HMCN1: variants seen among roughly 807,000 people sequenced by gnomAD.
The protein encoded by HMCN1 is hemicentin-1.
In HMCN1, 321 loss-of-function variants were observed where a neutral mutation model predicts 625.9. That is an observed-to-expected ratio of 0.51 (90% CI 0.47 to 0.56). HMCN1 has a LOEUF of 0.56. Ranked by LOEUF, HMCN1 falls within the 20% of genes least tolerant of loss-of-function variation. HMCN1 has a pLI of 0.00. For synonymous variants in HMCN1, 2,425 were observed against 2,417.6 expected (o/e 1.00, Z -0.09); for missense variants, 6,588 against 6,887.3 (o/e 0.96, Z 1.54).
chr1:186,061,947 T>C lies in HMCN1; in HGVS notation c.7409T>C (p.Phe2470Ser), dbSNP rs1657733321. 1 of 1,608,562 alleles carries C rather than the reference T, an allele frequency of 6.2e-7. No individual in the cohort carries two copies. The highest frequency in any genetic ancestry group is 8.5e-7 in the Non-Finnish European group (1 of 1,175,242). ...GCAGCTGGTGAAGAAAGAAAAATCT[T>C]TGGGCTTTCAGTATTAGGTACTTAT... ...RNAAGEERKI[F>S]GLSVLVPPHI... Residue 2470 changes from phenylalanine (F) to serine (S), a missense_variant, in exon 47 of 107, where the codon TTT (phenylalanine) becomes TCT (serine). By Grantham distance (155) the Phe-to-Ser change is radical. Around this residue, in one of 3 missense-constraint regions of HMCN1, gnomAD observed 4,628 missense variants for 4,853.1 expected, o/e 0.95. Coordinates refer to ENST00000271588, the MANE Select transcript of HMCN1 (RefSeq NM_031935.3).
rs556981840 is a variant in HMCN1 at position 186,134,773 on chromosome 1, A to G, written c.13313-1895A>G. ...CAGCCACAACCTTGAATTATCTATT[A>G]CCTCTCACTGAACAAATCATTCTGC... On this transcript the variant is annotated intron_variant, in intron 86 of 106. Transcript: ENST00000271588. Among the ~76,000 whole-genome samples the G allele has an allele frequency of 2.6e-3, 391 of 152,290 alleles. 1 individual carries two copies. The highest frequency in any genetic ancestry group is 9.0e-3 in the African/African-American group (376 of 41,582).
chr1:185,763,422 A>G (rs1023528309), intron 1 of HMCN1, among the ~76,000 whole-genome samples: 1 of 152,230 alleles, frequency 6.6e-6, no homozygotes, highest in Non-Finnish European at 1.5e-5. Context: ...AGCTGAAGTT[A>G]GAGACAAAAA....
rs1345795910 is a variant in HMCN1 at position 185,970,422 on chromosome 1, C to G, written c.2300C>G (p.Ala767Gly). 2 of 1,613,464 alleles carry G rather than the reference C, an allele frequency of 1.2e-6. No homozygotes were observed. Among genetic ancestry groups the G allele is most frequent in the Non-Finnish European group, 8.5e-7 (1 of 1,179,502 alleles). The change falls in exon 15 of 107, where the codon GCT (alanine) becomes GGT (glycine). Residue 767 changes from alanine (A) to glycine (G), a missense_variant. Coordinates refer to ENST00000271588, the MANE Select transcript of HMCN1 (RefSeq NM_031935.3). Reference protein sequence around the residue: ...LKIQETQDLDAGDYTCVAINE... With the variant: ...LKIQETQDLDGGDYTCVAINE... ...ATTCAAGAAACACAAGATCTGGATGCTGGCGATTATACCTGTGTAGCCATC... is the reference window on the plus strand; with the variant it reads ...ATTCAAGAAACACAAGATCTGGATGGTGGCGATTATACCTGTGTAGCCATC...
intron 42 of HMCN1, among the ~76,000 whole-genome samples, 168 bp downstream of exon 42, chr1:186,049,007 T>C (rs1217787354): frequency 6.6e-6 from 1 of 152,088 alleles, no homozygotes; most frequent in Non-Finnish European, 1.5e-5. Context: ...TATAACTACT[T>C]CGAGAGTAAC....
chr1:185,892,016 A>T (rs949391453), intron 4 of HMCN1, among the ~76,000 whole-genome samples: 37 of 151,404 alleles, frequency 2.4e-4, no homozygotes, highest in African/African-American at 8.8e-4. Context: ...GTTTCTTTTT[A>T]TTCTTTTTTC....
Position 185,734,762 on chromosome 1 carries a change from A to AG in HMCN1, c.-13dup, listed in dbSNP as rs752517345. The AG allele has an allele frequency of 2.2e-5, 35 of 1,613,684 alleles. No individual in the cohort carries two copies. The highest frequency in any genetic ancestry group is 5.3e-5 in the African/African-American group (4 of 74,898). The stretch of plus-strand genomic sequence containing the variant: ...TGCTTAGGCGCTGAGGGGGAAAAAG[A>AG]GGGGGAAAAAAAAGAAAATGATTTC... On this transcript the variant is annotated 5_prime_UTR_variant, in exon 1 of 107. Transcript: ENST00000271588.
intron 35 of HMCN1, among the ~76,000 whole-genome samples, chr1:186,021,897 T>C (rs1272979660): frequency 6.6e-6 from 1 of 152,068 alleles, no homozygotes; most frequent in Admixed American, 6.6e-5. Flanking sequence ...TAAGAAGCTA[T>C]TATAATCCCA....
At chr1:186,187,816 G>A in intron 105 of HMCN1, 67 bp from the exon 106 acceptor site, 1 of 1,602,910 alleles carries the variant, frequency 6.2e-7, no homozygotes, top group Admixed American at 1.7e-5. Context: ...CACATCTACA[G>A]TGCCTGCTCT....
At chr1:186,102,139 A>C (rs1042495752) in intron 68 of HMCN1, among the ~76,000 whole-genome samples, 1 of 152,160 alleles carries the variant, frequency 6.6e-6, no homozygotes, top group Non-Finnish European at 1.5e-5. Context: ...GTTTTTATTT[A>C]ATCCAGTAAG....
chr1:186,151,146 T>A, intron 93 of HMCN1, 54 bp from the exon 94 acceptor site: 1 of 1,581,868 alleles, frequency 6.3e-7, no homozygotes, highest in South Asian at 1.1e-5. Context: ...TTCTCCCATG[T>A]AATGTTGATG....
chr1:186,135,529 C>T (rs999844112), intron 86 of HMCN1, among the ~76,000 whole-genome samples: 5 of 152,126 alleles, frequency 3.3e-5, no homozygotes, highest in Admixed American at 1.3e-4. Context: ...ATGTAGACAT[C>T]GCTATATGAA....
intron 2 of HMCN1, among the ~76,000 whole-genome samples, chr1:185,846,961 G>C (rs189887249): frequency 6.6e-6 from 1 of 152,020 alleles, no homozygotes; most frequent in East Asian, 1.9e-4. Flanking sequence ...TCCTCTCTTA[G>C]ATAATTCAGA....
At chr1:185,848,795 A>G (rs893943422) in intron 2 of HMCN1, among the ~76,000 whole-genome samples, 3 of 152,084 alleles carry the variant, frequency 2.0e-5, no homozygotes, top group Non-Finnish European at 4.4e-5. Flanking sequence ...CCTTATAGTC[A>G]GTCCAACTGT....
At chr1:185,796,241 G>A (rs533891742) in intron 1 of HMCN1, among the ~76,000 whole-genome samples, 1 of 152,276 alleles carries the variant, frequency 6.6e-6, no homozygotes, top group South Asian at 2.1e-4. Flanking sequence ...GTTCACGATA[G>A]GGTTTGTGCT....
intron 4 of HMCN1, among the ~76,000 whole-genome samples, chr1:185,900,458 G>A (rs528313723): frequency 2.6e-5 from 4 of 152,042 alleles, no homozygotes; most frequent in East Asian, 1.9e-4. Context: ...ATTTTTGTGC[G>A]TGGTGCCAGA....
Position 186,078,219 on chromosome 1 carries a change from C to T in HMCN1, c.8598C>T (p.Leu2866=), listed in dbSNP as rs772200898. ...CCCTTCAATATGATGTCCGTGTACT[C>T]GGTGAGTTTTTCTTTTGTTTATTGT... ...EDSLQYDVRV[L]VPPIIKGANS... is the part of the protein sequence containing the mutation. The change falls in exon 55 of 107, where the codon CTC becomes CTT. Residue 2866 remains leucine (L), a splice_region_variant and synonymous_variant. Coordinates refer to ENST00000271588, the MANE Select transcript of HMCN1 (RefSeq NM_031935.3). 6.9e-6 allele frequency: 11 copies of T among 1,597,566 alleles called. No homozygotes were observed. Among genetic ancestry groups the T allele is most frequent in the South Asian group, 5.5e-5 (5 of 90,602 alleles).
intron 50 of HMCN1, 82 bp downstream of exon 50, chr1:186,068,089 T>C: frequency 7.9e-7 from 1 of 1,258,222 alleles, no homozygotes; most frequent in Non-Finnish European, 1.2e-6. Flanking sequence ...TTACTTTTTA[T>C]AAAAACACCA....
intron 11 of HMCN1, among the ~76,000 whole-genome samples, chr1:185,953,389 C>T (rs1164549026): frequency 6.6e-6 from 1 of 151,882 alleles, no homozygotes; most frequent in Non-Finnish European, 1.5e-5. Context: ...GGCGTCCCTG[C>T]AATGATTAAA....
At chr1:185,988,028 A>G (rs1652127861) in intron 20 of HMCN1, among the ~76,000 whole-genome samples, 1 of 152,186 alleles carries the variant, frequency 6.6e-6, no homozygotes, top group Non-Finnish European at 1.5e-5. Flanking sequence ...AGTTCCCGGC[A>G]CACAGGTTAT....
Sources: gnomAD v4.1 joint callset for allele counts (sites outside exome capture counted in the v4.1 genomes callset) on GRCh38, gnomAD v4.1.1 for gene constraint, gnomAD v4.1.1 regional missense constraint, MANE v1.5 for transcripts, NCBI Gene and HGNC (gene_info 2026-07-23, HGNC 2026-07-21) for gene names.